PPP3R1: variants seen among roughly 807,000 people sequenced by gnomAD.
The protein encoded by PPP3R1 is calcineurin subunit B type 1.
PPP3R1 carries 5 observed loss-of-function variants against 22.6 expected under a neutral mutation model. The ratio of observed to expected loss-of-function variants is 0.22; its 90% CI spans 0.12 to 0.46. The LOEUF is 0.46. Ranked by LOEUF, PPP3R1 falls within the 20% of genes least tolerant of loss-of-function variation. The pLI is 0.99. For synonymous variants in PPP3R1, 56 were observed against 65.2 expected, an observed-to-expected ratio of 0.86 and a Z score of 0.68; for missense variants, 61 against 203.2, an observed-to-expected ratio of 0.30 and a Z score of 4.25.
chr2:68,203,715 G>A lies in PPP3R1; in HGVS notation c.43+13377C>T, dbSNP rs559493870. Among the ~76,000 whole-genome samples, 29 of 152,208 alleles carry A rather than the reference G, an allele frequency of 1.9e-4. No homozygotes were observed. The East Asian group carries it at 5.4e-3, about 28-fold the overall frequency. On this transcript the variant is annotated intron_variant, in intron 2 of 5. Coordinates refer to ENST00000234310, the MANE Select transcript of PPP3R1 (RefSeq NM_000945.4). The stretch of plus-strand genomic sequence containing the variant: ...ACCTCCCTGAGACGAATGTGATTAA[G>A]AGCAGACATTAACAGCAAAGTTATT...
intron 1 of PPP3R1, among the ~76,000 whole-genome samples, chr2:68,226,824 G>C (rs1481648086): frequency 6.6e-6 from 1 of 152,094 alleles, no homozygotes; most frequent in East Asian, 1.9e-4. Context: ...GTTAGATTAA[G>C]GGCATTAGAA....
At chr2:68,216,756 C>T (rs1669586950) in intron 2 of PPP3R1, among the ~76,000 whole-genome samples, 2 of 152,172 alleles carry the variant, frequency 1.3e-5, no homozygotes, top group African/African-American at 2.4e-5. Context: ...ACTGAGTCAC[C>T]AAAGAGAAAA....
chr2:68,192,586 CAAG>C (rs531553958), intron 2 of PPP3R1, among the ~76,000 whole-genome samples: 175 of 152,152 alleles, frequency 1.2e-3, no homozygotes, highest in African/African-American at 4.2e-3. Context: ...CTCCTCCAAT[CAAG>C]AAGATAGCAT....
intron 2 of PPP3R1, among the ~76,000 whole-genome samples, chr2:68,207,121 A>C (rs1675144152): frequency 6.6e-6 from 1 of 151,810 alleles, no homozygotes; most frequent in Non-Finnish European, 1.5e-5. Context: ...AAGCAAAAAA[A>C]AAAAATTACT....
intron 2 of PPP3R1, among the ~76,000 whole-genome samples, chr2:68,197,800 C>T (rs975329911): frequency 6.6e-6 from 1 of 151,550 alleles, no homozygotes; most frequent in African/African-American, 2.4e-5. Context: ...TTTTTAAAAC[C>T]AAAACCTTTC....
intron 1 of PPP3R1, among the ~76,000 whole-genome samples, chr2:68,242,499 GCGTGA>G (rs1670155699): frequency 6.6e-6 from 1 of 152,036 alleles, no homozygotes; most frequent in Non-Finnish European, 1.5e-5. Context: ...GGTAAAAGCA[GCGTGA>G]CTGCCAGACA....
At chr2:68,182,540 G>A (rs1449970709) in intron 5 of PPP3R1, among the ~76,000 whole-genome samples, 1 of 151,458 alleles carries the variant, frequency 6.6e-6, no homozygotes, top group Non-Finnish European at 1.5e-5. Flanking sequence ...TTTCAGCCAG[G>A]TGCGGTGTCT....
intron 2 of PPP3R1, among the ~76,000 whole-genome samples, chr2:68,195,309 A>C (rs1432785411): frequency 1.3e-5 from 2 of 152,078 alleles, no homozygotes; most frequent in Non-Finnish European, 2.9e-5. Context: ...TTTTCTCATG[A>C]TTAGAATGCA....
rs146362271 is a variant in PPP3R1, at chr2:68,221,223, C to T, written c.4-4092G>A. Among the ~76,000 whole-genome samples the T allele has an allele frequency of 1.4e-3, 206 of 152,112 alleles. 3 individuals are homozygous for T. The highest frequency in any genetic ancestry group is 4.5e-3 in the African/African-American group (187 of 41,484). On this transcript the variant is annotated intron_variant, in intron 1 of 5. Transcript: ENST00000234310. The stretch of plus-strand genomic sequence containing the variant: ...GCGGGTGCCTGTAATCCCAGCTACT[C>T]GAGAGGCTGAGGCAAGAGAATCTCT...
At chr2:68,229,973 TACACACACAC>T (rs201152385) in intron 1 of PPP3R1, among the ~76,000 whole-genome samples, 37,148 of 143,162 alleles carry the variant, frequency 0.26, 5,574 homozygotes, top group East Asian at 0.48. Context: ...TATACACACA[TACACACACAC>T]ACACACACAC....
chr2:68,232,319 T>C (rs1268939208), intron 1 of PPP3R1, among the ~76,000 whole-genome samples: 1 of 145,630 alleles, frequency 6.9e-6, no homozygotes, highest in Non-Finnish European at 1.5e-5. Context: ...CAAGCATCTG[T>C]AACCCCAGCC....
Position 68,252,142 on chromosome 2 carries a change from C to A in PPP3R1, c.-15G>T. The A allele has an allele frequency of 1.4e-6, 2 of 1,428,136 alleles. No homozygotes were observed. The highest frequency in any genetic ancestry group is 3.1e-5 in the East Asian group (1 of 32,460). 88.5% of individuals were successfully genotyped at this position (1,428,136 alleles called of 1,614,324 possible). On this transcript the variant is annotated 5_prime_UTR_variant, in exon 1 of 6. Coordinates refer to ENST00000234310, the MANE Select transcript of PPP3R1 (RefSeq NM_000945.4). ...GGTCTCACCATTTTGCTCGGCGGGT[C>A]GGCGGCTCGCTGGCTCGCTGGCTCG...
chr2:68,223,900 G>C (rs892929945), intron 1 of PPP3R1, among the ~76,000 whole-genome samples: 4 of 150,174 alleles, frequency 2.7e-5, no homozygotes, highest in African/African-American at 9.8e-5. Context: ...TAAATCCTAA[G>C]CAAATTACTA....
intron 2 of PPP3R1, among the ~76,000 whole-genome samples, chr2:68,199,972 CTG>C (rs1326657411): frequency 1.3e-5 from 2 of 152,182 alleles, no homozygotes; most frequent in South Asian, 2.1e-4. Flanking sequence ...CTAGATAAGA[CTG>C]TGTTTCTTTC....
intron 1 of PPP3R1, among the ~76,000 whole-genome samples, chr2:68,230,317 T>A (rs1669871366): frequency 6.6e-6 from 1 of 152,166 alleles, no homozygotes; most frequent in African/African-American, 2.4e-5. Flanking sequence ...CTTTATCCTG[T>A]CTCCTGGTGG....
chr2:68,225,159 A>G (rs1378482020), intron 1 of PPP3R1, among the ~76,000 whole-genome samples: 1 of 152,250 alleles, frequency 6.6e-6, no homozygotes, highest in African/African-American at 2.4e-5. Flanking sequence ...TTACTAAATC[A>G]AACACTCATC....
intron 1 of PPP3R1, among the ~76,000 whole-genome samples, chr2:68,224,536 C>T (rs563520279): frequency 5.3e-5 from 8 of 152,054 alleles, no homozygotes; most frequent in Admixed American, 2.6e-4. Context: ...TGGTGGCAGG[C>T]GCCTGCAATC....
At chr2:68,237,782 T>C (rs1670045402) in intron 1 of PPP3R1, among the ~76,000 whole-genome samples, 1 of 152,100 alleles carries the variant, frequency 6.6e-6, no homozygotes, top group Non-Finnish European at 1.5e-5. Context: ...ACATTAAATG[T>C]TTGCTAAGTG....
At chr2:68,185,849 A>C (rs1398883590) in intron 5 of PPP3R1, among the ~76,000 whole-genome samples, 7 of 152,242 alleles carry the variant, frequency 4.6e-5, no homozygotes. Flanking sequence ...TTTTGAAAAC[A>C]TAATAAAAAG....
Sources: allele counts gnomAD v4.1 joint callset (sites outside exome capture counted in the v4.1 genomes callset), GRCh38; gene constraint gnomAD v4.1.1; transcripts MANE v1.5; gene names NCBI Gene and HGNC (gene_info 2026-07-23, HGNC 2026-07-21).